The following LYN variants were observed in gnomAD, a reference collection of about 807,000 sequenced individuals.
LYN encodes tyrosine-protein kinase Lyn.
LYN carries 12 observed loss-of-function variants against 65.0 expected under a neutral mutation model. The observed-to-expected ratio is 0.18, with a 90% CI of 0.12 to 0.30. The LOEUF is 0.30. LYN is among the 10% of genes least tolerant of loss of function. LYN has a pLI of 1.00. For missense variants in LYN, 380 were observed against 623.2 expected (o/e 0.61, Z 4.16); for synonymous variants, 222 against 221.2 (o/e 1.00, Z -0.03).
chr8:56,004,810 G>A (rs1167262137), intron 12 of LYN, among the ~76,000 whole-genome samples: 1 of 151,898 alleles, frequency 6.6e-6, no homozygotes, highest in Non-Finnish European at 1.5e-5. Flanking sequence ...TATTTGACAG[G>A]GTCTTGCTCT....
chr8:56,008,592 A>C (rs534177277), intron 12 of LYN, among the ~76,000 whole-genome samples: 2 of 152,252 alleles, frequency 1.3e-5, no homozygotes, highest in Non-Finnish European at 2.9e-5. Context: ...TGTTATTATT[A>C]TAATGATCTT....
Position 55,953,872 on chromosome 8 carries a change from T to C in LYN, c.678T>C (p.Cys226=), listed in dbSNP as rs760894198. 2 of 1,614,024 alleles carry C rather than the reference T, an allele frequency of 1.2e-6. No homozygotes were observed. The highest frequency in any genetic ancestry group is 1.1e-5 in the South Asian group (1 of 91,078). ...DGLCRRLEKA[C]ISPKPQKPWD... ...TGTGCAGAAGATTGGAGAAGGCTTG[T>C]ATTAGTCCCAAGCCACAGAAGCCAT... Residue 226 remains cysteine (C), a synonymous_variant, in exon 8 of 13, where the codon TGT becomes TGC. Coordinates refer to ENST00000519728, the MANE Select transcript of LYN (RefSeq NM_002350.4).
intron 9 of LYN, among the ~76,000 whole-genome samples, chr8:55,967,306 ATTT>A (rs35631616): frequency 1.1e-5 from 1 of 95,130 alleles, no homozygotes; most frequent in East Asian, 3.0e-4. Context: ...TTCCTCTTTC[ATTT>A]TTTTTTTTTT....
intron 9 of LYN, among the ~76,000 whole-genome samples, chr8:55,969,086 G>A (rs1159853639): frequency 6.6e-6 from 1 of 152,108 alleles, no homozygotes; most frequent in Non-Finnish European, 1.5e-5. Context: ...TTTGAGACCA[G>A]CCTGGGCAAC....
At chr8:55,983,166 A>G (rs1019705661) in intron 10 of LYN, among the ~76,000 whole-genome samples, 6 of 152,008 alleles carry the variant, frequency 3.9e-5, no homozygotes, top group Non-Finnish European at 8.8e-5. Context: ...GAACCCCGAC[A>G]TGTGCCCAGT....
chr8:55,968,249 AAT>A (rs542960643), intron 9 of LYN, among the ~76,000 whole-genome samples: 1 of 151,386 alleles, frequency 6.6e-6, no homozygotes. Context: ...AACAATGCCT[AAT>A]ATATATATAT....
rs1808710422 is a variant in LYN, at chr8:56,007,815, C to T, written c.1337-2093C>T. ...TTTTCTGTTTTATTCTGTTATAATTCATTTTAAAAAATACTGGTAATTGGC... is the reference window on the plus strand; with the variant it reads ...TTTTCTGTTTTATTCTGTTATAATTTATTTTAAAAAATACTGGTAATTGGC... On this transcript the variant is annotated intron_variant, in intron 12 of 12. Coordinates refer to ENST00000519728, the MANE Select transcript of LYN (RefSeq NM_002350.4). Among the ~76,000 whole-genome samples the T allele has an allele frequency of 3.3e-5, 5 of 152,188 alleles. No homozygotes were observed. In the South Asian group the frequency reaches 1.0e-3, roughly 32 times the overall value.
intron 6 of LYN, 89 bp from the exon 7 acceptor site, chr8:55,951,877 T>A: frequency 9.9e-7 from 1 of 1,008,210 alleles, no homozygotes; most frequent in East Asian, 2.6e-5. Flanking sequence ...TTTTGCATAT[T>A]TGTATCACAA....
intron 10 of LYN, among the ~76,000 whole-genome samples, chr8:55,997,201 A>T (rs966444327): frequency 6.6e-6 from 1 of 150,566 alleles, no homozygotes; most frequent in Non-Finnish European, 1.5e-5. Flanking sequence ...ATTGTCCTGG[A>T]GGGAATGTGC....
intron 8 of LYN, among the ~76,000 whole-genome samples, chr8:55,962,677 G>A (rs553817600): frequency 1.3e-5 from 2 of 152,274 alleles, no homozygotes; most frequent in African/African-American, 2.4e-5. Context: ...CAAGATATAC[G>A]ATCATTTATC....
chr8:55,902,015 C>CTTT lies in LYN; in HGVS notation c.-6+21920_-6+21922dup, dbSNP rs11424284. On this transcript the variant is annotated intron_variant, in intron 1 of 12. Transcript: ENST00000519728. The stretch of plus-strand genomic sequence containing the variant: ...ATTCTAAAAAACGTACCTGTACTTT[C>CTTT]TTTTTTTTTTGAGACGAGTTTCACT... Among the ~76,000 whole-genome samples, 13 of 149,898 alleles carry CTTT rather than the reference C, an allele frequency of 8.7e-5. 1 individual carries two copies. Among genetic ancestry groups the CTTT allele is most frequent in the African/African-American group, 2.9e-4 (12 of 40,778 alleles).
chr8:55,996,727 C>A (rs898701616), intron 10 of LYN, among the ~76,000 whole-genome samples: 5 of 152,134 alleles, frequency 3.3e-5, no homozygotes, highest in Non-Finnish European at 4.4e-5. Context: ...AAAAACCTGA[C>A]TTTGGAACGA....
At chr8:55,883,501 C>A (rs1381118784) in intron 1 of LYN, among the ~76,000 whole-genome samples, 1 of 152,120 alleles carries the variant, frequency 6.6e-6, no homozygotes, top group African/African-American at 2.4e-5. Flanking sequence ...GCTAAGATGA[C>A]ACCTATACTG....
intron 1 of LYN, among the ~76,000 whole-genome samples, chr8:55,924,611 C>T (rs7341667): frequency 6.6e-6 from 1 of 151,686 alleles, no homozygotes; most frequent in South Asian, 2.1e-4. Flanking sequence ...TAATCCACCC[C>T]CCTTGGCCTC....
intron 10 of LYN, among the ~76,000 whole-genome samples, chr8:55,989,928 C>A (rs554156209): frequency 4.6e-5 from 7 of 152,146 alleles, no homozygotes; most frequent in African/African-American, 1.7e-4. Context: ...GGCTTCCAGG[C>A]CATAAGTGGA....
At chr8:55,982,879 C>A (rs764543708) in intron 10 of LYN, among the ~76,000 whole-genome samples, 8 of 152,108 alleles carry the variant, frequency 5.3e-5, no homozygotes, top group Non-Finnish European at 8.8e-5. Context: ...GCCGCTCCAG[C>A]CCCTACAGCC....
chr8:55,932,899 G>A lies in LYN; in HGVS notation c.-5-8956G>A, dbSNP rs183892609. Among the ~76,000 whole-genome samples the A allele has an allele frequency of 2.3e-3, 343 of 152,304 alleles. 1 individual carries two copies. Among genetic ancestry groups the A allele is most frequent in the African/African-American group, 7.8e-3 (326 of 41,560 alleles). Reference sequence around the variant, plus strand: ...AAATTGCAGGCTCTCACTTATGAATGGGAGCTAGGCATTGAATACATATGG... The same window carrying A: ...AAATTGCAGGCTCTCACTTATGAATAGGAGCTAGGCATTGAATACATATGG... On this transcript the variant is annotated intron_variant, in intron 1 of 12. Transcript: ENST00000519728.
chr8:55,921,988 C>T (rs1482060841), intron 1 of LYN, among the ~76,000 whole-genome samples: 3 of 152,062 alleles, frequency 2.0e-5, no homozygotes, highest in Admixed American at 6.6e-5. Context: ...AACAGAGGAG[C>T]GATGGACAGA....
At chr8:55,969,927 A>C (rs1585651621) in intron 10 of LYN, 134 bp downstream of exon 10, 3 of 734,748 alleles carry the variant, frequency 4.1e-6, no homozygotes, top group South Asian at 1.5e-5. Context: ...TGAGAAAAAG[A>C]CCTTCCACAA....
Sources: allele counts gnomAD v4.1 joint callset (sites outside exome capture counted in the v4.1 genomes callset), GRCh38; gene constraint gnomAD v4.1.1; transcripts MANE v1.5; gene names NCBI Gene and HGNC (gene_info 2026-07-23, HGNC 2026-07-21).